The following THBS3 variants were observed in gnomAD, a reference collection of about 807,000 sequenced individuals.
THBS3 encodes the protein thrombospondin 3.
In THBS3, 78 loss-of-function variants were observed where a neutral mutation model predicts 118.3. The ratio of observed to expected loss-of-function variants is 0.66; its 90% CI spans 0.55 to 0.80. THBS3 has a LOEUF of 0.80. Among genes scored for constraint, THBS3 ranks in the 30% least tolerant of loss-of-function variants. The pLI is 0.00. For synonymous variants in THBS3, 427 were observed against 475.3 expected, an observed-to-expected ratio of 0.90 and a Z score of 1.32; for missense variants, 1,057 against 1,247.4, an observed-to-expected ratio of 0.85 and a Z score of 2.30.
rs1413536773 is a variant in THBS3 at position 155,196,051 on chromosome 1, A to G, written c.2748T>C (p.Arg916=). 6.2e-7 allele frequency: 1 copy of G among 1,613,996 alleles called. No homozygotes were observed. The highest frequency in any genetic ancestry group is 1.3e-5 in the African/African-American group (1 of 74,884). ...CTTGGGAGAAGCAGAATACACCAAG[A>G]CGCCCCCCTCGCATGGATGTGTCAA... ...VIIDTSMRGG[R]LGVFCFSQEN... Residue 916 remains arginine (R), a synonymous_variant, in exon 22 of 23, where the codon CGT becomes CGC. Transcript: ENST00000368378.
intron 21 of THBS3, chr1:155,196,406 G>A: frequency 2.1e-6 from 1 of 479,780 alleles, no homozygotes; most frequent in Non-Finnish European, 3.7e-6. Context: ...CAATGGGCTG[G>A]GGGGTGAAGT....
rs1440023099 is a variant in THBS3 at position 155,206,186 on chromosome 1, T to C, written c.286+14A>G. Reference sequence around the variant, plus strand: ...GAGGTCACCATTGCAAGAAAGGAGATGCCCACCAGTCACCTTTGTTGATCT... The same window carrying C: ...GAGGTCACCATTGCAAGAAAGGAGACGCCCACCAGTCACCTTTGTTGATCT... On this transcript the variant is annotated intron_variant, in intron 2 of 22. Coordinates refer to ENST00000368378, the MANE Select transcript of THBS3 (RefSeq NM_007112.5). This position sits in a 1 kb window ranked among gnomAD's most constrained non-coding sequence, Gnocchi z 4.2. 6.2e-7 allele frequency: 1 copy of C among 1,613,118 alleles called. No homozygotes were observed. The highest frequency in any genetic ancestry group is 1.3e-5 in the African/African-American group (1 of 75,030).
In THBS3 at chr1:155,203,671, C is replaced by T. The variant is rs1670136682; in HGVS notation, c.647-132G>A. The T allele has an allele frequency of 3.4e-6, 4 of 1,169,458 alleles. 1 individual carries two copies. The South Asian group carries it at 4.0e-5, about 12-fold the overall frequency. 72.4% of individuals were successfully genotyped at this position (1,169,458 alleles called of 1,614,324 possible). The stretch of plus-strand genomic sequence containing the variant: ...CAGAATAAAGATGGGGTGCTGGATG[C>T]TGGGAGGGCAGAGCTGGCAGACAAG... On this transcript the variant is annotated intron_variant, in intron 4 of 22. Transcript: ENST00000368378.
rs751069667 is a variant in THBS3 at position 155,207,851 on chromosome 1, G to GC, written c.25dup (p.Ala9GlyfsTer21). 9.9e-6 allele frequency: 16 copies of GC among 1,613,860 alleles called. No individual in the cohort carries two copies. The highest frequency in any genetic ancestry group is 3.3e-5 in the South Asian group (3 of 91,090). On this transcript the variant is annotated frameshift_variant, in exon 1 of 23. Transcript: ENST00000368378. LOFTEE classifies it high-confidence loss of function. ...AAAGCAAAGGAGGAGAAGAGCCAGG[G>GC]CCCCCCGAAGTTCCTGCGTCTCCAT...
At chr1:155,208,953 C>T (rs1241054232), upstream of THBS3, 1 of 1,609,458 alleles carries the variant, frequency 6.2e-7, no homozygotes, top group Admixed American at 1.7e-5. Flanking sequence ...GCCGCGCCTT[C>T]AGGGGTTCGG....
At position 155,206,420 on chromosome 1, in the gene THBS3, G is replaced by A. The variant is rs754207435; in HGVS notation, c.80-14C>T. The A allele has an allele frequency of 1.2e-6, 2 of 1,612,438 alleles. No individual in the cohort carries two copies. Among genetic ancestry groups the A allele is most frequent in the Admixed American group, 3.3e-5 (2 of 59,986 alleles). ...GCAGGTCAATTACTGGTCAGGCAGG[G>A]GTTATCAAGGTTAGAGAATGGGATC... On this transcript the variant is annotated splice_polypyrimidine_tract_variant and intron_variant, in intron 1 of 22. Coordinates refer to ENST00000368378, the MANE Select transcript of THBS3 (RefSeq NM_007112.5). This position sits in a 1 kb window ranked among gnomAD's most constrained non-coding sequence, Gnocchi z 4.2.
rs2148027816 is a variant in THBS3 at position 155,206,232 on chromosome 1, A to G, written c.254T>C (p.Leu85Pro). Residue 85 changes from leucine (L) to proline (P), a missense_variant, in exon 2 of 23, where the codon CTG becomes CCG. Transcript: ENST00000368378. The surrounding 1 kb of genome is among the most constrained non-coding windows in gnomAD (Gnocchi z 4.2). ...LYSRQDNTRW[L>P]EASVVGKINK... is the part of the protein sequence containing the mutation. The stretch of plus-strand genomic sequence containing the variant: ...GATCTTGCCTACAACAGAGGCCTCC[A>G]GCCATCGAGTGTTGTCTTGGCGAGA... 1.2e-6 allele frequency: 2 copies of G among 1,614,150 alleles called. No homozygotes were observed. The highest frequency in any genetic ancestry group is 4.5e-5 in the East Asian group (2 of 44,882).
Position 155,201,435 on chromosome 1 carries a change from A to G in THBS3, c.1311T>C (p.Asn437=), listed in dbSNP as rs1669710487. 1 of 1,609,698 alleles carries G rather than the reference A, an allele frequency of 6.2e-7. No individual in the cohort carries two copies. The highest frequency in any genetic ancestry group is 1.3e-5 in the African/African-American group (1 of 74,880). The change falls in exon 11 of 23, where the codon AAT becomes AAC. Residue 437 remains asparagine, a synonymous_variant. Coordinates refer to ENST00000368378, the MANE Select transcript of THBS3 (RefSeq NM_007112.5). ...AGCTCACCTGGCAGGACACTGCACC[A>G]TTGCGTTCAAAGAGACAGTGAGCAT... ...HIHAHCLFER[N]GAVSCQCNVG...
In THBS3 at chr1:155,197,994, C is replaced by T. The variant is rs765706825; in HGVS notation, c.2253+48G>A. The T allele has an allele frequency of 6.2e-7, 1 of 1,614,018 alleles. No homozygotes were observed. Among genetic ancestry groups the T allele is most frequent in the Admixed American group, 1.7e-5 (1 of 60,006 alleles). ...GCTATCCCTCCCAGGCCCCCCGTCC[C>T]AGTAGCCCTGTCTGATAGCACCTGC... On this transcript the variant is annotated intron_variant, in intron 18 of 22. Transcript: ENST00000368378. This position sits in a 1 kb window ranked among gnomAD's most constrained non-coding sequence, Gnocchi z 5.0.
Position 155,206,647 on chromosome 1 carries a change from T to C in THBS3, c.80-241A>G, listed in dbSNP as rs1433182512. On this transcript the variant is annotated intron_variant, in intron 1 of 22. Transcript: ENST00000368378. The surrounding 1 kb of genome is among the most constrained non-coding windows in gnomAD (Gnocchi z 4.2). ...CTGGCCAACACGGTGAAACCCCGTGTCTACTAAAAATACAAAAACAACAAC... is the reference window on the plus strand; with the variant it reads ...CTGGCCAACACGGTGAAACCCCGTGCCTACTAAAAATACAAAAACAACAAC... Among the ~76,000 whole-genome samples, 1 of 151,426 alleles carries C rather than the reference T, an allele frequency of 6.6e-6. No homozygotes were observed. The highest frequency in any genetic ancestry group is 1.5e-5 in the Non-Finnish European group (1 of 67,880).
Position 155,197,494 on chromosome 1 carries a change from C to A in THBS3, c.2468G>T (p.Arg823Leu), listed in dbSNP as rs528832775. 2 of 1,613,822 alleles carry A rather than the reference C, an allele frequency of 1.2e-6. No homozygotes were observed. The highest frequency in any genetic ancestry group is 3.3e-5 in the Admixed American group (2 of 60,022). Residue 823 changes from arginine (R) to leucine (L), a missense_variant, in exon 20 of 23, where the codon CGG becomes CTG. Physicochemically the swap from Arg to Leu is moderately radical, Grantham distance 102. Around this residue, in one of 3 missense-constraint regions of THBS3, gnomAD observed 307 missense variants for 326.1 expected, o/e 0.94. Coordinates refer to ENST00000368378, the MANE Select transcript of THBS3 (RefSeq NM_007112.5). This position sits in a 1 kb window ranked among gnomAD's most constrained non-coding sequence, Gnocchi z 5.0. Reference protein sequence around the residue: ...EQTYWQATPFRAVAQPGLQLK... With the variant: ...EQTYWQATPFLAVAQPGLQLK... ...CTGCAGCCCGGGCTGGGCAACCGCCCGGAAGGGTGTAGCCTGCCAGTAGGT... is the reference window on the plus strand; with the variant it reads ...CTGCAGCCCGGGCTGGGCAACCGCCAGGAAGGGTGTAGCCTGCCAGTAGGT...
At chr1:155,201,343 C>T (rs918054730) in intron 11 of THBS3, 74 bp downstream of exon 11, 18 of 1,568,588 alleles carry the variant, frequency 1.1e-5, no homozygotes, top group Non-Finnish European at 1.4e-5. Context: ...AGACCCCCAA[C>T]CCAGGCCCTA....
At chr1:155,198,875 T>A (rs1481717754) in intron 16 of THBS3, 2 of 362,874 alleles carry the variant, frequency 5.5e-6, no homozygotes, top group African/African-American at 4.2e-5. Flanking sequence ...TTCCCAGTAC[T>A]TTGGGAGGCC....
chr1:155,200,197 TC>T, intron 14 of THBS3, 84 bp from the exon 15 acceptor site: 1 of 1,289,774 alleles, frequency 7.8e-7, no homozygotes, highest in Non-Finnish European at 1.1e-6. Flanking sequence ...GAACTTTGTC[TC>T]CCCACCCAGA....
intron 4 of THBS3, 37 bp from the exon 5 acceptor site, chr1:155,203,576 G>GCC (rs773417557): frequency 6.2e-7 from 1 of 1,612,000 alleles, no homozygotes; most frequent in Non-Finnish European, 8.5e-7. Flanking sequence ...GAGGGGTGAG[G>GCC]TGAAGTGAAG....
At position 155,202,385 on chromosome 1, in the gene THBS3, G is replaced by A; in HGVS notation, c.974C>T (p.Pro325Leu). 6.2e-7 allele frequency: 1 copy of A among 1,613,898 alleles called. No individual in the cohort carries two copies. Among genetic ancestry groups the A allele is most frequent in the Non-Finnish European group, 8.5e-7 (1 of 1,179,940 alleles). Residue 325 changes from proline to leucine, a missense_variant, in exon 9 of 23, where the codon CCC (proline) becomes CTC (leucine). By Grantham distance (98) the Pro-to-Leu change is moderately conservative. Transcript: ENST00000368378. This position sits in a 1 kb window ranked among gnomAD's most constrained non-coding sequence, Gnocchi z 5.5. ...SDINECAHAD[P>L]CFPGSSCINT... ...GATGCAGCTGGAGCCCGGGAAACAG[G>A]GGTCAGCGTGAGCACACTGGGGACC...
rs775245026 is a variant in THBS3, at chr1:155,197,554, C to T, written c.2408G>A (p.Arg803His). The T allele has an allele frequency of 9.7e-5, 157 of 1,613,830 alleles. No homozygotes were observed. The highest frequency in any genetic ancestry group is 3.1e-4 in the East Asian group (14 of 44,862). The change falls in exon 20 of 23, where the codon CGC becomes CAC. Residue 803 changes from arginine to histidine, a missense_variant. Coordinates refer to ENST00000368378, the MANE Select transcript of THBS3 (RefSeq NM_007112.5). This position sits in a 1 kb window ranked among gnomAD's most constrained non-coding sequence, Gnocchi z 5.0. Reference sequence around the variant, plus strand: ...CTGCTTCCACATGACTACGTAGAAGCGGCCACTGTCTTGATAACTGAAGAG... The same window carrying T: ...CTGCTTCCACATGACTACGTAGAAGTGGCCACTGTCTTGATAACTGAAGAG... Reference protein sequence around the residue: ...GFLFSYQDSGRFYVVMWKQTE... With the variant: ...GFLFSYQDSGHFYVVMWKQTE...
rs1553205757 is a variant in THBS3 at position 155,200,481 on chromosome 1, C to G, written c.1678G>C (p.Asp560His). The G allele has an allele frequency of 1.2e-6, 2 of 1,614,216 alleles. No homozygotes were observed. Among genetic ancestry groups the G allele is most frequent in the Non-Finnish European group, 1.7e-6 (2 of 1,180,036 alleles). Residue 560 changes from aspartate (D) to histidine (H), a missense_variant, in exon 14 of 23, where the codon GAT becomes CAT. Coordinates refer to ENST00000368378, the MANE Select transcript of THBS3 (RefSeq NM_007112.5). ...CCATCCACGTCGTTGTCACAGGCAT[C>G]TCCTTCCCCATTGCCATCTGTGTCC... is the stretch of plus-strand genomic sequence containing the variant. ...QKDTDGNGEGDACDNDVDGDG... is the reference protein window; with the variant it reads ...QKDTDGNGEGHACDNDVDGDG...
intron 5 of THBS3, 98 bp downstream of exon 5, chr1:155,203,415 A>G: frequency 8.2e-6 from 13 of 1,588,380 alleles, no homozygotes; most frequent in Non-Finnish European, 1.1e-5. Flanking sequence ...CTTTAAACCT[A>G]CTACATTCCT....
Sources: gnomAD v4.1 joint callset for allele counts (sites outside exome capture counted in the v4.1 genomes callset) on GRCh38, gnomAD v4.1.1 for gene constraint, gnomAD v4.1.1 regional missense constraint, Gnocchi (gnomAD v3.1) non-coding constraint, MANE v1.5 for transcripts, NCBI Gene and HGNC (gene_info 2026-07-23, HGNC 2026-07-21) for gene names.